Variants in NPEPPS observed in about 807,000 individuals in gnomAD.
NPEPPS encodes puromycin-sensitive aminopeptidase.
Under a neutral mutation model 115.5 loss-of-function variants are expected in NPEPPS, and 14 were observed. That is an observed-to-expected ratio of 0.12 (90% CI 0.08 to 0.19). The LOEUF (loss-of-function observed/expected upper bound fraction) is 0.19. Ranked by LOEUF, NPEPPS falls within the 10% of genes least tolerant of loss-of-function variation. The pLI is 1.00. For missense variants in NPEPPS, 523 were observed against 1,110.8 expected, an observed-to-expected ratio of 0.47 and a Z score of 7.52; for synonymous variants, 285 against 390.6, an observed-to-expected ratio of 0.73 and a Z score of 3.19.
At chr17:47,583,784 T>C (rs1281622411) in intron 5 of NPEPPS, among the ~76,000 whole-genome samples, 2 of 151,896 alleles carry the variant, frequency 1.3e-5, no homozygotes, top group Admixed American at 1.3e-4. Context: ...TAGCCAGGTA[T>C]GGTGGCACGT....
chr17:47,596,757 A>T (rs966266936), intron 13 of NPEPPS, among the ~76,000 whole-genome samples: 21 of 152,202 alleles, frequency 1.4e-4, no homozygotes, highest in Non-Finnish European at 2.4e-4. Flanking sequence ...AACATTTTTT[A>T]AAAAATTAGG....
chr17:47,621,494 TTACC>T (rs1416007747), intron 22 of NPEPPS, among the ~76,000 whole-genome samples: 1 of 152,176 alleles, frequency 6.6e-6, no homozygotes, highest in East Asian at 1.9e-4. Flanking sequence ...AAGACTATAT[TTACC>T]ACTACACAAT....
chr17:47,530,504 C>T (rs1390678401), upstream of NPEPPS, among the ~76,000 whole-genome samples: 1 of 151,094 alleles, frequency 6.6e-6, no homozygotes, highest in Non-Finnish European at 1.5e-5. Flanking sequence ...CTACAGGCGC[C>T]CGCCACCACG....
intron 2 of NPEPPS, among the ~76,000 whole-genome samples, chr17:47,547,270 G>A (rs1909282938): frequency 6.6e-6 from 1 of 151,998 alleles, no homozygotes; most frequent in African/African-American, 2.4e-5. Context: ...TCTTATTCCC[G>A]TATGAGCTGC....
At chr17:47,578,795 A>C (rs1465092079) in intron 3 of NPEPPS, among the ~76,000 whole-genome samples, 1 of 152,010 alleles carries the variant, frequency 6.6e-6, no homozygotes. Context: ...TTCCATTTGG[A>C]GTAAACATTT....
intron 3 of NPEPPS, among the ~76,000 whole-genome samples, chr17:47,571,334 T>C (rs1375697915): frequency 6.6e-6 from 1 of 152,182 alleles, no homozygotes; most frequent in African/African-American, 2.4e-5. Context: ...TCTATTGAAT[T>C]AATATAAAAT....
At chr17:47,539,058 T>C (rs1295489624) in intron 1 of NPEPPS, among the ~76,000 whole-genome samples, 1 of 152,076 alleles carries the variant, frequency 6.6e-6, no homozygotes, top group East Asian at 1.9e-4. Context: ...TGCGTTTTAT[T>C]GTACGGACTT....
At chr17:47,579,913 T>A (rs892771969) in intron 4 of NPEPPS, 3 of 176,374 alleles carry the variant, frequency 1.7e-5, no homozygotes, top group African/African-American at 7.3e-5. Context: ...TGTGCTGTCT[T>A]TGATTTTTTT....
At chr17:47,560,658 C>G (rs1282299559) in intron 2 of NPEPPS, among the ~76,000 whole-genome samples, 1 of 152,240 alleles carries the variant, frequency 6.6e-6, no homozygotes, top group Non-Finnish European at 1.5e-5. Flanking sequence ...TGTTTTCTTT[C>G]CCATTGCAAC....
intron 17 of NPEPPS, 123 bp downstream of exon 17, chr17:47,605,675 A>G: frequency 3.0e-6 from 2 of 671,024 alleles, no homozygotes; most frequent in Non-Finnish European, 5.1e-6. Flanking sequence ...GCAAGCCAGA[A>G]ATTAAGACGT....
rs768565275 is a variant in NPEPPS at position 47,592,506 on chromosome 17, A to T, written c.1387A>T (p.Met463Leu). 2 of 1,593,060 alleles carry T rather than the reference A, an allele frequency of 1.3e-6. No homozygotes were observed. Among genetic ancestry groups the T allele is most frequent in the Non-Finnish European group, 1.7e-6 (2 of 1,168,922 alleles). Residue 463 changes from methionine (M) to leucine (L), a missense_variant, in exon 12 of 23, where the codon ATG becomes TTG. Around this residue, in one of 4 missense-constraint regions of NPEPPS, gnomAD observed 7 missense variants for 24.2 expected, o/e 0.29. Coordinates refer to ENST00000322157, the MANE Select transcript of NPEPPS (RefSeq NM_006310.4). ...GDKDFKKGMN[M>L]YLTKFQQKNA... The stretch of plus-strand genomic sequence containing the variant: ...TCAGGACTTTAAGAAAGGAATGAAC[A>T]TGTATTTAACCAAGTTCCAACAAAA...
At chr17:47,614,149 T>A (rs538669373) in intron 19 of NPEPPS, among the ~76,000 whole-genome samples, 1 of 152,100 alleles carries the variant, frequency 6.6e-6, no homozygotes, top group African/African-American at 2.4e-5. Flanking sequence ...TTTTTGTGTT[T>A]TTTGTAGAGA....
At position 47,604,559 on chromosome 17, in the gene NPEPPS, TAGGTA is replaced by T. The variant is rs756686049; in HGVS notation, c.1875+512_1875+516del. On this transcript the variant is annotated intron_variant, in intron 16 of 22. Coordinates refer to ENST00000322157, the MANE Select transcript of NPEPPS (RefSeq NM_006310.4). ...TTTTCTTTATGACTTCAGCGTAGGT[TAGGTA>T]ATTTCCAGATGTCTTTATGATAAAA... is the stretch of plus-strand genomic sequence containing the variant. Among the ~76,000 whole-genome samples the T allele has an allele frequency of 4.2e-4, 64 of 152,376 alleles. No individual in the cohort carries two copies. In the Middle Eastern group the frequency reaches 0.014, roughly 32 times the overall value.
intron 1 of NPEPPS, among the ~76,000 whole-genome samples, chr17:47,539,161 TG>T (rs1216712885): frequency 2.0e-5 from 3 of 148,048 alleles, no homozygotes; most frequent in African/African-American, 7.3e-5. Context: ...ACTGATACTC[TG>T]ATACAACCTG....
At position 47,569,477 on chromosome 17, in the gene NPEPPS, C is replaced by T. The variant is rs1911058523; in HGVS notation, c.401C>T (p.Pro134Leu). 6.9e-7 allele frequency: 1 copy of T among 1,446,174 alleles called. No homozygotes were observed. Among genetic ancestry groups the T allele is most frequent in the Non-Finnish European group, 9.7e-7 (1 of 1,031,098 alleles). The allele number at this position is 1,446,174 out of a possible 1,614,324, so 89.6% of individuals were successfully genotyped here. Residue 134 changes from proline (P) to leucine (L), a missense_variant, in exon 3 of 23, where the codon CCT becomes CTT. Transcript: ENST00000322157. ...GATGAAAAAGTCACCTTGTCTTTCCCTAGTACTCTGCAAACAGGTAAGAGA... is the reference window on the plus strand; with the variant it reads ...GATGAAAAAGTCACCTTGTCTTTCCTTAGTACTCTGCAAACAGGTAAGAGA... ...NEDEKVTLSF[P>L]STLQTGTGTL...
chr17:47,573,919 G>A lies in NPEPPS; in HGVS notation c.418+4425G>A, dbSNP rs368720994. Among the ~76,000 whole-genome samples, 67 of 151,944 alleles carry A rather than the reference G, an allele frequency of 4.4e-4. 1 individual carries two copies. The South Asian group carries it at 0.012, about 27-fold the overall frequency. On this transcript the variant is annotated intron_variant, in intron 3 of 22. Coordinates refer to ENST00000322157, the MANE Select transcript of NPEPPS (RefSeq NM_006310.4). ...AGAGTTTTAAATCTATATCATTACA[G>A]ACTATATATATTCTGCGTTTACACT...
At chr17:47,616,700 A>G (rs1189116907) in intron 19 of NPEPPS, among the ~76,000 whole-genome samples, 1 of 151,378 alleles carries the variant, frequency 6.6e-6, no homozygotes, top group Non-Finnish European at 1.5e-5. Flanking sequence ...AAAAAAAGAA[A>G]AGAAAAATTA....
chr17:47,531,255 AGGCTCCCCCG>A lies in NPEPPS; in HGVS notation c.-44_-35del. On this transcript the variant is annotated 5_prime_UTR_variant, in exon 1 of 23. Coordinates refer to ENST00000322157, the MANE Select transcript of NPEPPS (RefSeq NM_006310.4). ...CGGCTGGGTCTCTCCCCCGCCCCCC[AGGCTCCCCCG>A]GTCGCTCTCCTCCGGCGGTCGCCCG... 1.9e-6 allele frequency: 2 copies of A among 1,056,480 alleles called. No homozygotes were observed. Among genetic ancestry groups the A allele is most frequent in the Non-Finnish European group, 1.2e-6 (1 of 868,334 alleles). 65.4% of individuals were successfully genotyped at this position (1,056,480 alleles called of 1,614,324 possible). A position where few individuals can be genotyped will look rare whatever the true frequency, so the allele number is the denominator to read the frequency against.
intron 21 of NPEPPS, 28 bp downstream of exon 21, chr17:47,619,192 T>TA: frequency 1.3e-6 from 2 of 1,579,258 alleles, no homozygotes; most frequent in Non-Finnish European, 1.7e-6. Flanking sequence ...AGTAGCTTGC[T>TA]AATCATGGAT....
Sources: allele counts gnomAD v4.1 joint callset (sites outside exome capture counted in the v4.1 genomes callset), GRCh38; gene constraint gnomAD v4.1.1; regional missense constraint gnomAD v4.1.1; transcripts MANE v1.5; gene names NCBI Gene and HGNC (gene_info 2026-07-23, HGNC 2026-07-21).